Variants in TASP1 observed in about 807,000 individuals in gnomAD.
The protein encoded by TASP1 is taspase 1.
TASP1 carries 16 observed loss-of-function variants against 56.6 expected under a neutral mutation model. That is an observed-to-expected ratio of 0.28 (90% CI 0.19 to 0.43). TASP1 has a LOEUF of 0.43. TASP1 is among the 20% of genes least tolerant of loss of function. The pLI, the probability that TASP1 is intolerant of heterozygous loss-of-function variation, is 1.00. For synonymous variants in TASP1, 179 were observed against 184.2 expected (o/e 0.97, Z 0.23); for missense variants, 393 against 511.6 (o/e 0.77, Z 2.24).
intron 6 of TASP1, among the ~76,000 whole-genome samples, chr20:13,570,703 TAA>T (rs369511931): frequency 6.7e-6 from 1 of 150,096 alleles, no homozygotes; most frequent in Admixed American, 6.6e-5. Context: ...AATTCTACTT[TAA>T]AAAAAAAATT....
At chr20:13,220,292 CG>C in the TASP1 span, among the ~76,000 whole-genome samples, 1 of 152,204 alleles carries the variant, frequency 6.6e-6, no homozygotes, top group Non-Finnish European at 1.5e-5. Flanking sequence ...CGCGGTGCCA[CG>C]GACCGACACA....
chr20:13,623,334 G>A, intron 4 of TASP1, 112 bp downstream of exon 4: 1 of 785,512 alleles, frequency 1.3e-6, no homozygotes, highest in Non-Finnish European at 2.0e-6. Context: ...TAATATTGGT[G>A]GGAAACACTG....
At chr20:13,354,153 A>G in the TASP1 span, among the ~76,000 whole-genome samples, 1 of 152,212 alleles carries the variant, frequency 6.6e-6, no homozygotes, top group Non-Finnish European at 1.5e-5. Flanking sequence ...AGCTCCCAGA[A>G]AGCAGAACAA....
At chr20:13,589,285 C>T (rs2047434753) in intron 4 of TASP1, among the ~76,000 whole-genome samples, 2 of 152,016 alleles carry the variant, frequency 1.3e-5, no homozygotes, top group African/African-American at 4.8e-5. Flanking sequence ...GTCTCGATCT[C>T]CTGACCTCGT....
chr20:13,442,008 G>A (rs2043229169), intron 11 of TASP1, among the ~76,000 whole-genome samples: 1 of 152,064 alleles, frequency 6.6e-6, no homozygotes, highest in Non-Finnish European at 1.5e-5. Flanking sequence ...GTCTGGCGTA[G>A]CCTTTCTTAT....
At chr20:13,374,747 C>T in the TASP1 span, among the ~76,000 whole-genome samples, 2,687 of 152,162 alleles carry the variant, frequency 0.018, 76 homozygotes, top group African/African-American at 0.059. Context: ...GTTTTTGTTG[C>T]TGTTTCTTTG....
chr20:13,196,547 G>C, the TASP1 span, among the ~76,000 whole-genome samples: 2 of 152,066 alleles, frequency 1.3e-5, no homozygotes, highest in African/African-American at 4.8e-5. Flanking sequence ...CATAGTAGCC[G>C]CCAGCCACAT....
At chr20:13,134,339 T>G in the TASP1 span, among the ~76,000 whole-genome samples, 5 of 152,220 alleles carry the variant, frequency 3.3e-5, no homozygotes, top group East Asian at 7.7e-4. Context: ...CAAGGACAAC[T>G]TCTTTCTTAT....
At chr20:13,637,452 G>T (rs766967971) in intron 1 of TASP1, among the ~76,000 whole-genome samples, 6 of 152,150 alleles carry the variant, frequency 3.9e-5, no homozygotes, top group Non-Finnish European at 7.4e-5. Flanking sequence ...GTTTATAGCA[G>T]AATTATTCAA....
rs545171976 is a variant in TASP1 at position 13,604,656 on chromosome 20, C to G, written c.283-17286G>C. Among the ~76,000 whole-genome samples the G allele has an allele frequency of 1.1e-4, 17 of 152,284 alleles. No homozygotes were observed. In the South Asian group the frequency reaches 3.3e-3, roughly 30 times the overall value. ...GAATAAAGTCTGCCTTACCACCTTT[C>G]ACACGGGTCATAAATAATTTTTTCA... is the stretch of plus-strand genomic sequence containing the variant. On this transcript the variant is annotated intron_variant, in intron 4 of 13. Coordinates refer to ENST00000337743, the MANE Select transcript of TASP1 (RefSeq NM_017714.3).
intron 12 of TASP1, among the ~76,000 whole-genome samples, chr20:13,422,090 T>C (rs2146097503): frequency 6.6e-6 from 1 of 151,728 alleles, no homozygotes; most frequent in East Asian, 1.9e-4. Context: ...TAGCTCGGAC[T>C]ACAGGCGCCC....
chr20:13,618,369 T>C (rs2048595191), intron 4 of TASP1, among the ~76,000 whole-genome samples: 1 of 152,034 alleles, frequency 6.6e-6, no homozygotes, highest in African/African-American at 2.4e-5. Flanking sequence ...GCCAAGATCA[T>C]ACCACTGCAC....
At chr20:13,512,216 C>A (rs571912254) in intron 10 of TASP1, among the ~76,000 whole-genome samples, 8 of 152,228 alleles carry the variant, frequency 5.3e-5, no homozygotes, top group Admixed American at 3.3e-4. Flanking sequence ...GTTTACAGTC[C>A]TACCAACAGT....
At chr20:13,170,925 C>T in the TASP1 span, among the ~76,000 whole-genome samples, 1 of 152,154 alleles carries the variant, frequency 6.6e-6, no homozygotes, top group African/African-American at 2.4e-5. Flanking sequence ...TGTGTAATGG[C>T]TTCGCTGTGA....
chr20:13,240,881 T>C, the TASP1 span, among the ~76,000 whole-genome samples: 174 of 152,008 alleles, frequency 1.1e-3, no homozygotes, highest in South Asian at 7.7e-3. Context: ...TTCACAAGGG[T>C]AGAGTTCATG....
the TASP1 span, among the ~76,000 whole-genome samples, chr20:13,325,352 A>G: frequency 6.6e-6 from 1 of 152,160 alleles, no homozygotes; most frequent in Non-Finnish European, 1.5e-5. Flanking sequence ...CTTAAGATGT[A>G]TTTGTTTCGA....
intron 1 of TASP1, among the ~76,000 whole-genome samples, chr20:13,634,547 T>C (rs529995660): frequency 2.6e-5 from 4 of 151,794 alleles, no homozygotes; most frequent in African/African-American, 9.7e-5. Context: ...CTGGCCAACA[T>C]GGCGAAATCC....
At chr20:13,122,846 G>A in the TASP1 span, among the ~76,000 whole-genome samples, 1 of 152,126 alleles carries the variant, frequency 6.6e-6, no homozygotes, top group Non-Finnish European at 1.5e-5. Flanking sequence ...CCATAAGGAT[G>A]GAGGAAGAGT....
At chr20:13,247,517 G>GGGGGTGTGTGTGTGTGTGT in the TASP1 span, among the ~76,000 whole-genome samples, 1 of 139,912 alleles carries the variant, frequency 7.1e-6, no homozygotes, top group African/African-American at 2.7e-5. Flanking sequence ...CAAAGTGAGG[G>GGGGGTGTGTGTGTGTGTGT]GTGTGTGTGT....
Sources: allele counts gnomAD v4.1 joint callset (sites outside exome capture counted in the v4.1 genomes callset), GRCh38; gene constraint gnomAD v4.1.1; transcripts MANE v1.5; gene names NCBI Gene and HGNC (gene_info 2026-07-23, HGNC 2026-07-21).